ASH1L: variants seen among roughly 807,000 people sequenced by gnomAD.
The protein encoded by ASH1L is histone-lysine N-methyltransferase ASH1L.
In ASH1L, 23 loss-of-function variants were observed where a neutral mutation model predicts 269.0. The ratio of observed to expected loss-of-function variants is 0.09; its 90% CI spans 0.06 to 0.12. ASH1L has a LOEUF of 0.12. ASH1L is among the 10% of genes least tolerant of loss of function. The pLI, the probability that ASH1L is intolerant of heterozygous loss-of-function variation, is 1.00. For missense variants in ASH1L, 2,912 were observed against 3,567.8 expected (o/e 0.82, Z 4.68); for synonymous variants, 1,187 against 1,253.5 (o/e 0.95, Z 1.12).
intron 2 of ASH1L, among the ~76,000 whole-genome samples, chr1:155,487,380 C>CT (rs778614387): frequency 4.9e-4 from 75 of 151,962 alleles, no homozygotes; most frequent in Middle Eastern, 3.4e-3. Flanking sequence ...TGTCATACTA[C>CT]TTTTTTATTT....
At chr1:155,444,234 G>A (rs1662825923) in intron 4 of ASH1L, among the ~76,000 whole-genome samples, 3 of 151,974 alleles carry the variant, frequency 2.0e-5, no homozygotes, top group Non-Finnish European at 4.4e-5. Context: ...CACCTGCCTT[G>A]GCCTCCCAAA....
At chr1:155,473,904 C>T (rs1346907947) in intron 3 of ASH1L, among the ~76,000 whole-genome samples, 3 of 152,124 alleles carry the variant, frequency 2.0e-5, no homozygotes, top group African/African-American at 7.2e-5. Flanking sequence ...GGCACAATTT[C>T]GGCTCACTGC....
At chr1:155,454,855 A>C (rs950274408) in intron 4 of ASH1L, among the ~76,000 whole-genome samples, 1 of 152,220 alleles carries the variant, frequency 6.6e-6, no homozygotes, top group Non-Finnish European at 1.5e-5. Flanking sequence ...TCTTAACATA[A>C]GTTCCTTGGT....
At chr1:155,530,242 G>A (rs1410012717) in intron 1 of ASH1L, among the ~76,000 whole-genome samples, 1 of 151,984 alleles carries the variant, frequency 6.6e-6, no homozygotes, top group African/African-American at 2.4e-5. Flanking sequence ...TTACCACCTG[G>A]TGTACTATAT....
chr1:155,525,539 C>CA (rs747113017), intron 1 of ASH1L, among the ~76,000 whole-genome samples: 4,685 of 87,568 alleles, frequency 0.054, 88 homozygotes, highest in Non-Finnish European at 0.075. Flanking sequence ...TTCTAAAAGC[C>CA]AAAAAAAAAA....
intron 2 of ASH1L, among the ~76,000 whole-genome samples, chr1:155,493,611 T>C (rs1666956228): frequency 6.6e-6 from 1 of 152,224 alleles, no homozygotes; most frequent in Non-Finnish European, 1.5e-5. Context: ...TTCACGCCTG[T>C]AATCCCAACA....
intron 1 of ASH1L, among the ~76,000 whole-genome samples, chr1:155,533,658 G>A (rs1319371176): frequency 6.7e-6 from 1 of 149,864 alleles, no homozygotes; most frequent in Non-Finnish European, 1.5e-5. Flanking sequence ...AGGTTGCAGT[G>A]AGCCCAGATC....
chr1:155,423,977 G>A (rs1016061794), intron 5 of ASH1L, among the ~76,000 whole-genome samples: 3 of 152,038 alleles, frequency 2.0e-5, no homozygotes, highest in African/African-American at 7.2e-5. Flanking sequence ...CGCCTGCCTC[G>A]GCCTCCCAAA....
intron 1 of ASH1L, among the ~76,000 whole-genome samples, chr1:155,530,668 G>A (rs1225834747): frequency 2.6e-5 from 4 of 151,714 alleles, no homozygotes; most frequent in Non-Finnish European, 4.4e-5. Context: ...CACAGGAGGT[G>A]GAGGTTGCAG....
chr1:155,358,400 A>C (rs916510891), intron 13 of ASH1L, among the ~76,000 whole-genome samples: 1 of 152,120 alleles, frequency 6.6e-6, no homozygotes, highest in Non-Finnish European at 1.5e-5. Flanking sequence ...AAAAAATTTT[A>C]AAAAGGCCAG....
At chr1:155,458,083 T>C (rs1055181231) in intron 4 of ASH1L, among the ~76,000 whole-genome samples, 2 of 152,208 alleles carry the variant, frequency 1.3e-5, no homozygotes, top group South Asian at 2.1e-4. Flanking sequence ...TGAGTTTCCT[T>C]ACCCTGGTCT....
intron 2 of ASH1L, among the ~76,000 whole-genome samples, chr1:155,516,563 G>A (rs902166760): frequency 3.3e-5 from 5 of 152,164 alleles, no homozygotes; most frequent in Admixed American, 2.6e-4. Context: ...GGAGGCCAAG[G>A]AAGGAGAATC....
At chr1:155,415,599 G>C in intron 6 of ASH1L, 145 bp downstream of exon 6, 3 of 864,356 alleles carry the variant, frequency 3.5e-6, no homozygotes, top group Non-Finnish European at 5.5e-6. Flanking sequence ...CAAAGTTTGA[G>C]GGAGGCGTAC....
intron 1 of ASH1L, among the ~76,000 whole-genome samples, chr1:155,522,031 C>CT (rs1179427657): frequency 6.6e-6 from 1 of 152,112 alleles, no homozygotes; most frequent in African/African-American, 2.4e-5. Flanking sequence ...AAAAAATCAT[C>CT]TTTTTTTGAT....
chr1:155,353,005 A>G (rs767740130), intron 16 of ASH1L, 147 bp from the exon 17 acceptor site: 3 of 720,244 alleles, frequency 4.2e-6, no homozygotes, highest in Non-Finnish European at 6.5e-6. Context: ...TATCTTCTGT[A>G]ATGAAAAATC....
At chr1:155,381,517 T>TC (rs1255581468) in intron 7 of ASH1L, among the ~76,000 whole-genome samples, 40 of 146,870 alleles carry the variant, frequency 2.7e-4, no homozygotes, top group African/African-American at 9.4e-4. Flanking sequence ...ACCACTGCAC[T>TC]CCAGCCTGGA....
At chr1:155,552,724 A>G (rs1671303899) in intron 1 of ASH1L, among the ~76,000 whole-genome samples, 1 of 152,218 alleles carries the variant, frequency 6.6e-6, no homozygotes, top group African/African-American at 2.4e-5. Context: ...ATGTGAGAAA[A>G]GATAAATAGT....
chr1:155,517,620 G>A (rs1466341249), intron 2 of ASH1L, among the ~76,000 whole-genome samples: 1 of 148,532 alleles, frequency 6.7e-6, no homozygotes, highest in African/African-American at 2.4e-5. Context: ...TCCAGCCTAG[G>A]CGACAGAGTA....
rs1161242428 is a variant in ASH1L at position 155,335,331 on chromosome 1, A to C, written c.*2329T>G. 6.5e-6 allele frequency: 1 copy of C among 152,806 alleles called. No homozygotes were observed. The highest frequency in any genetic ancestry group is 1.9e-4 in the East Asian group (1 of 5,336). 9.5% of individuals were successfully genotyped at this position (152,806 alleles called of 1,614,324 possible). A position where few individuals can be genotyped will look rare whatever the true frequency, so the allele number is the denominator to read the frequency against. Reference sequence around the variant, plus strand: ...GGATTGAGATGCAAGCTTTGTATGCAATTACATCCAATGTTAAAATTGGTA... The same window carrying C: ...GGATTGAGATGCAAGCTTTGTATGCCATTACATCCAATGTTAAAATTGGTA... On this transcript the variant is annotated 3_prime_UTR_variant, in exon 28 of 28. Transcript: ENST00000392403.
Sources: gnomAD v4.1 joint callset for allele counts (sites outside exome capture counted in the v4.1 genomes callset) on GRCh38, gnomAD v4.1.1 for gene constraint, MANE v1.5 for transcripts, NCBI Gene and HGNC (gene_info 2026-07-23, HGNC 2026-07-21) for gene names.